Variants in TSPOAP1 observed in about 807,000 individuals in gnomAD.
TSPOAP1 encodes the protein TSPO associated protein 1.
In TSPOAP1, 87 loss-of-function variants were observed where a neutral mutation model predicts 197.0. The observed-to-expected ratio is 0.44, with a 90% CI of 0.37 to 0.53. The LOEUF (loss-of-function observed/expected upper bound fraction) is 0.53. Ranked by LOEUF, TSPOAP1 falls within the 20% of genes least tolerant of loss-of-function variation. TSPOAP1 has a pLI of 0.00. For missense variants in TSPOAP1, 2,174 were observed against 2,411.3 expected (o/e 0.90, Z 2.06); for synonymous variants, 913 against 998.9 (o/e 0.91, Z 1.62).
At chr17:58,306,654 A>T in intron 25 of TSPOAP1, 146 bp downstream of exon 25, 2 of 1,084,482 alleles carry the variant, frequency 1.8e-6, no homozygotes, top group Non-Finnish European at 2.6e-6. Flanking sequence ...CAGTCTGACC[A>T]CTACGCAGCA....
Position 58,305,430 on chromosome 17 carries a change from A to G in TSPOAP1, c.5390T>C (p.Val1797Ala). The G allele has an allele frequency of 1.2e-6, 2 of 1,613,956 alleles. No individual in the cohort carries two copies. Among genetic ancestry groups the G allele is most frequent in the Non-Finnish European group, 1.7e-6 (2 of 1,179,952 alleles). Reference protein sequence around the residue: ...EAELPFRAGDVITVFGGMDDD... With the variant: ...EAELPFRAGDAITVFGGMDDD... ...GTCCATGCCCCCAAACACAGTAATG[A>G]CATCCCCTGCCCGGAAGGGCAGCTC... Residue 1797 changes from valine to alanine, a missense_variant, in exon 29 of 32, where the codon GTC (valine) becomes GCC (alanine). By Grantham distance (64) the Val-to-Ala change is moderately conservative. Around this residue, in one of 5 missense-constraint regions of TSPOAP1, gnomAD observed 161 missense variants for 159.1 expected, o/e 1.01. Coordinates refer to ENST00000343736, the MANE Select transcript of TSPOAP1 (RefSeq NM_004758.4).
rs760999170 is a variant in TSPOAP1, at chr17:58,326,290, C to T, written c.570+3G>A. On this transcript the variant is annotated splice_donor_region_variant and intron_variant, in intron 3 of 31. Transcript: ENST00000343736. This position sits in a 1 kb window ranked among gnomAD's most constrained non-coding sequence, Gnocchi z 4.7. ...CCTCCGCCCAGCAGCCTCCTTTCCT[C>T]ACCACCCTCAGGTTCGTTTCCTGCA... 3.1e-6 allele frequency: 5 copies of T among 1,613,984 alleles called. No individual in the cohort carries two copies. The East Asian group carries it at 8.9e-5, about 29-fold the overall frequency.
At chr17:58,303,864 A>G (rs1050705025) in intron 31 of TSPOAP1, 2 of 152,502 alleles carry the variant, frequency 1.3e-5, no homozygotes, top group African/African-American at 4.8e-5. Context: ...GAGGTAAATC[A>G]TGCATCTGAT....
At chr17:58,320,910 C>T (rs1024952086) in intron 10 of TSPOAP1, among the ~76,000 whole-genome samples, 1 of 152,078 alleles carries the variant, frequency 6.6e-6, no homozygotes, top group Non-Finnish European at 1.5e-5. Context: ...GCCTCTTTTG[C>T]CTGCTCCCTG....
Position 58,325,129 on chromosome 17 carries a change from A to G in TSPOAP1, c.751-127T>C, listed in dbSNP as rs576457543. ...TGCGCGAGACTGTGCACACCCTCCC[A>G]TGGGTACATGCCTGGTTACATGTGC... On this transcript the variant is annotated intron_variant, in intron 4 of 31. Transcript: ENST00000343736. 18 of 817,924 alleles carry G rather than the reference A, an allele frequency of 2.2e-5. No homozygotes were observed. The Admixed American group carries it at 4.0e-4, about 18-fold the overall frequency. 50.7% of individuals were successfully genotyped at this position (817,924 alleles called of 1,614,324 possible).
intron 25 of TSPOAP1, 71 bp downstream of exon 25, chr17:58,306,729 A>G: frequency 1.9e-6 from 3 of 1,544,894 alleles, no homozygotes; most frequent in Non-Finnish European, 2.6e-6. Flanking sequence ...CAGACACAAC[A>G]ATTGCTCAGG....
chr17:58,313,538 G>T (rs983629108), intron 16 of TSPOAP1, among the ~76,000 whole-genome samples: 1 of 151,772 alleles, frequency 6.6e-6, no homozygotes, highest in African/African-American at 2.4e-5. Flanking sequence ...TTGAGCCCGG[G>T]AGGCAGAAGC....
chr17:58,323,572 G>A (rs1971465077), intron 5 of TSPOAP1, 27 bp from the exon 6 acceptor site: 2 of 1,609,154 alleles, frequency 1.2e-6, no homozygotes, highest in Non-Finnish European at 1.7e-6. Flanking sequence ...GCAAGGGGCT[G>A]GCACCTGAGA....
Position 58,308,587 on chromosome 17 carries a change from C to A in TSPOAP1, c.4685G>T (p.Arg1562Leu), listed in dbSNP as rs750069340. The A allele has an allele frequency of 6.3e-7, 1 of 1,575,488 alleles. No individual in the cohort carries two copies. Among genetic ancestry groups the A allele is most frequent in the Non-Finnish European group, 8.6e-7 (1 of 1,158,600 alleles). Residue 1562 changes from arginine to leucine, a missense_variant, in exon 22 of 32, where the codon CGG (arginine) becomes CTG (leucine). Arg to Leu is a moderately radical substitution (Grantham distance 102). Transcript: ENST00000343736. ...TCTGCCCGTCGCACTGCGGCCTCTCCGCTCTGGTTCCCCTTTCTCCCAGGC... is the reference window on the plus strand; with the variant it reads ...TCTGCCCGTCGCACTGCGGCCTCTCAGCTCTGGTTCCCCTTTCTCCCAGGC... ...LPAWEKGEPE[R>L]RGRSATGRAK... is the part of the protein sequence containing the mutation.
chr17:58,314,395 A>T (rs1971157748), intron 16 of TSPOAP1, among the ~76,000 whole-genome samples: 1 of 152,256 alleles, frequency 6.6e-6, no homozygotes, highest in Admixed American at 6.5e-5. Context: ...GGATCTTGAG[A>T]TGAGATCATC....
intron 20 of TSPOAP1, 117 bp from the exon 21 acceptor site, chr17:58,310,275 CA>C (rs3833093): frequency 0.067 from 81,192 of 1,216,782 alleles, 3,062 homozygotes; most frequent in South Asian, 0.1. Flanking sequence ...GAGAAAGAGC[CA>C]TGTCCTAAAT....
rs535291527 is a variant in TSPOAP1 at position 58,308,704 on chromosome 17, C to T, written c.4568G>A (p.Gly1523Glu). 2 of 1,613,022 alleles carry T rather than the reference C, an allele frequency of 1.2e-6. No homozygotes were observed. Among genetic ancestry groups the T allele is most frequent in the South Asian group, 1.1e-5 (1 of 91,088 alleles). Residue 1523 changes from glycine (G) to glutamate (E), a missense_variant, in exon 22 of 32, where the codon GGA (glycine) becomes GAA (glutamate). Around this residue, in one of 5 missense-constraint regions of TSPOAP1, gnomAD observed 1,933 missense variants for 2,139.0 expected, o/e 0.90. Transcript: ENST00000343736. ...TGCTGTGCCCCAGGCCTCCCCATCT[C>T]CAGGGTAGCAGGAGCTGGTGATGCT... ...GISITSSCYP[G>E]DGEAWGTATV...
In TSPOAP1 at chr17:58,324,544, G is replaced by T. The variant is rs1452222986; in HGVS notation, c.942+267C>A. Among the ~76,000 whole-genome samples, 1 of 152,022 alleles carries T rather than the reference G, an allele frequency of 6.6e-6. No individual in the cohort carries two copies. The highest frequency in any genetic ancestry group is 1.5e-5 in the Non-Finnish European group (1 of 67,940). On this transcript the variant is annotated intron_variant, in intron 5 of 31. Coordinates refer to ENST00000343736, the MANE Select transcript of TSPOAP1 (RefSeq NM_004758.4). This position sits in a 1 kb window ranked among gnomAD's most constrained non-coding sequence, Gnocchi z 5.8. The stretch of plus-strand genomic sequence containing the variant: ...GGCCGGGCCGTACCACTGGCAGCGC[G>T]GCAGGGGCGGCCGGCCAGGCCCCGC...
rs1971537853 is a variant in TSPOAP1 at position 58,325,113 on chromosome 17, C to T, written c.751-111G>A. 1.1e-5 allele frequency: 10 copies of T among 932,010 alleles called. No homozygotes were observed. In the Admixed American group the frequency reaches 2.2e-4, roughly 21 times the overall value. 57.7% of individuals were successfully genotyped at this position (932,010 alleles called of 1,614,324 possible). A position where few individuals can be genotyped will look rare whatever the true frequency, so the allele number is the denominator to read the frequency against. On this transcript the variant is annotated intron_variant, in intron 4 of 31. Transcript: ENST00000343736. ...GCTGGAGGGGCTCCGATGCGCGAGA[C>T]TGTGCACACCCTCCCATGGGTACAT...
In TSPOAP1 at chr17:58,309,430, C is replaced by T. The variant is rs779638926; in HGVS notation, c.3892-50G>A. 8 of 1,552,122 alleles carry T rather than the reference C, an allele frequency of 5.2e-6. No homozygotes were observed. Among genetic ancestry groups the T allele is most frequent in the Non-Finnish European group, 6.9e-6 (8 of 1,152,322 alleles). ...TAGAACACAGCAGGGAAGAGAGATGCGTGGGGAAGAGGAGAGCGAGCTGCG... is the reference window on the plus strand; with the variant it reads ...TAGAACACAGCAGGGAAGAGAGATGTGTGGGGAAGAGGAGAGCGAGCTGCG... On this transcript the variant is annotated intron_variant, in intron 21 of 31. Coordinates refer to ENST00000343736, the MANE Select transcript of TSPOAP1 (RefSeq NM_004758.4). The surrounding 1 kb of genome is among the most constrained non-coding windows in gnomAD (Gnocchi z 5.0).
intron 13 of TSPOAP1, 127 bp from the exon 14 acceptor site, chr17:58,318,579 T>C: frequency 1.1e-6 from 1 of 928,312 alleles, no homozygotes; most frequent in Non-Finnish European, 1.6e-6. Context: ...AAGGGAAATA[T>C]TTAGAGAGAA....
Position 58,306,902 on chromosome 17 carries a change from G to A in TSPOAP1, c.5050C>T (p.Pro1684Ser). The change falls in exon 25 of 32, where the codon CCC (proline) becomes TCC (serine). Residue 1684 changes from proline (P) to serine (S), a missense_variant. By Grantham distance (74) the Pro-to-Ser change is moderately conservative. Transcript: ENST00000343736. ...GEGGGRTGYIPCNMVAEVAVD... is the reference protein window; with the variant it reads ...GEGGGRTGYISCNMVAEVAVD... ...GCCACCTCAGCCACCATGTTGCAGGGAATGTAGCCTGTCCGGCCCCCACCT... is the reference window on the plus strand; with the variant it reads ...GCCACCTCAGCCACCATGTTGCAGGAAATGTAGCCTGTCCGGCCCCCACCT... The A allele has an allele frequency of 1.9e-6, 3 of 1,613,552 alleles. No homozygotes were observed. The highest frequency in any genetic ancestry group is 2.5e-6 in the Non-Finnish European group (3 of 1,179,998).
chr17:58,304,783 C>T lies in TSPOAP1; in HGVS notation c.5544+278G>A, dbSNP rs1415003305. ...GGCAGAGGGGTCCTTTTCCACAGGG[C>T]CCCCTCACCTGCGTCAGCCACCAGG... On this transcript the variant is annotated intron_variant, in intron 30 of 31. Coordinates refer to ENST00000343736, the MANE Select transcript of TSPOAP1 (RefSeq NM_004758.4). The surrounding 1 kb of genome is among the most constrained non-coding windows in gnomAD (Gnocchi z 4.2). 3.3e-6 allele frequency: 2 copies of T among 598,778 alleles called. No individual in the cohort carries two copies. Among genetic ancestry groups the T allele is most frequent in the African/African-American group, 3.7e-5 (2 of 54,602 alleles). 37.1% of individuals were successfully genotyped at this position (598,778 alleles called of 1,614,324 possible).
Position 58,309,915 on chromosome 17 carries a change from A to C in TSPOAP1, c.3891+52T>G. 6.4e-7 allele frequency: 1 copy of C among 1,556,024 alleles called. No individual in the cohort carries two copies. Among genetic ancestry groups the C allele is most frequent in the Non-Finnish European group, 8.7e-7 (1 of 1,149,512 alleles). ...GAGCACCTGCTGACACACAGTGGGG[A>C]GGCCCCGGAGTTTGAGGCCTGGGGC... On this transcript the variant is annotated intron_variant, in intron 21 of 31. Coordinates refer to ENST00000343736, the MANE Select transcript of TSPOAP1 (RefSeq NM_004758.4). The surrounding 1 kb of genome is among the most constrained non-coding windows in gnomAD (Gnocchi z 5.0).
Sources: allele counts gnomAD v4.1 joint callset (sites outside exome capture counted in the v4.1 genomes callset), GRCh38; gene constraint gnomAD v4.1.1; regional missense constraint gnomAD v4.1.1; non-coding constraint Gnocchi (gnomAD v3.1); transcripts MANE v1.5; gene names NCBI Gene and HGNC (gene_info 2026-07-23, HGNC 2026-07-21).